The following SUPT20H variants were observed in gnomAD, a reference collection of about 807,000 sequenced individuals.
SUPT20H encodes the protein transcription factor SPT20 homolog.
SUPT20H carries 82 observed loss-of-function variants against 122.8 expected under a neutral mutation model. The ratio of observed to expected loss-of-function variants is 0.67; its 90% CI spans 0.56 to 0.80. The LOEUF (loss-of-function observed/expected upper bound fraction) is 0.80. Ranked by LOEUF, SUPT20H falls within the 30% of genes least tolerant of loss-of-function variation. The probability of loss-of-function intolerance (pLI) is 0.00; values close to 1 mark genes in which losing one functional copy is unlikely to be tolerated. For synonymous variants in SUPT20H, 291 were observed against 313.0 expected, an observed-to-expected ratio of 0.93 and a Z score of 0.74; for missense variants, 831 against 921.6, an observed-to-expected ratio of 0.90 and a Z score of 1.27.
In SUPT20H at chr13:37,031,911, A is replaced by C. The variant is rs763814170; in HGVS notation, c.708-16T>G. On this transcript the variant is annotated splice_polypyrimidine_tract_variant and intron_variant, in intron 10 of 25. Coordinates refer to ENST00000350612, the MANE Select transcript of SUPT20H (RefSeq NM_001014286.3). Reference sequence around the variant, plus strand: ...CTTGAAACACCTGAAATATTAAGAAATTTGAACTAAACGGCACTAATAAAA... The same window carrying C: ...CTTGAAACACCTGAAATATTAAGAACTTTGAACTAAACGGCACTAATAAAA... The C allele has an allele frequency of 1.3e-6, 2 of 1,565,426 alleles. No homozygotes were observed. Among genetic ancestry groups the C allele is most frequent in the African/African-American group, 2.8e-5 (2 of 72,078 alleles).
chr13:37,044,649 T>C (rs2066092783), intron 6 of SUPT20H, among the ~76,000 whole-genome samples: 1 of 152,220 alleles, frequency 6.6e-6, no homozygotes, highest in South Asian at 2.1e-4. Flanking sequence ...AGAATTCACA[T>C]TATCATCATA....
intron 22 of SUPT20H, 106 bp from the exon 23 acceptor site, chr13:37,017,470 C>CAA: frequency 1.7e-6 from 2 of 1,172,030 alleles, no homozygotes; most frequent in Non-Finnish European, 2.3e-6. Context: ...TGTCACTCTT[C>CAA]TAGTTATTGA....
intron 2 of SUPT20H, among the ~76,000 whole-genome samples, chr13:37,049,336 C>T (rs1024661949): frequency 2.0e-5 from 3 of 152,080 alleles, no homozygotes; most frequent in Non-Finnish European, 2.9e-5. Context: ...GATCCCTATC[C>T]GTTCATTTTT....
intron 23 of SUPT20H, among the ~76,000 whole-genome samples, chr13:37,016,099 C>T (rs1016771184): frequency 3.9e-5 from 6 of 152,060 alleles, no homozygotes; most frequent in African/African-American, 1.4e-4. Flanking sequence ...AATGTGAATA[C>T]ACTTAACACT....
At position 37,028,284 on chromosome 13, in the gene SUPT20H, A is replaced by C; in HGVS notation, c.1015T>G (p.Phe339Val). The C allele has an allele frequency of 6.2e-7, 1 of 1,610,054 alleles. No homozygotes were observed. Among genetic ancestry groups the C allele is most frequent in the Non-Finnish European group, 8.5e-7 (1 of 1,178,806 alleles). ...PAHDVKDDYV[F>V]ECEAGTQYQK... The stretch of plus-strand genomic sequence containing the variant: ...TACTGAGTACCAGCTTCACATTCAA[A>C]TACATAATCATCTTTTACATCCTGA... The change falls in exon 14 of 26, where the codon TTT (phenylalanine) becomes GTT (valine). Residue 339 changes from phenylalanine (F) to valine (V), a missense_variant. Coordinates refer to ENST00000350612, the MANE Select transcript of SUPT20H (RefSeq NM_001014286.3).
At position 37,029,846 on chromosome 13, in the gene SUPT20H, C is replaced by A; in HGVS notation, c.922-10G>T. ...TAGCATATTTCTCCACCTAAACAAT[C>A]AAATCAAGAAATACCACATAAAATA... On this transcript the variant is annotated splice_polypyrimidine_tract_variant and intron_variant, in intron 12 of 25. Transcript: ENST00000350612. 6.3e-7 allele frequency: 1 copy of A among 1,580,312 alleles called. No homozygotes were observed. Among genetic ancestry groups the A allele is most frequent in the Admixed American group, 1.8e-5 (1 of 54,592 alleles).
At position 37,017,288 on chromosome 13, in the gene SUPT20H, G is replaced by A; in HGVS notation, c.1949C>T (p.Pro650Leu). 1 of 1,614,110 alleles carries A rather than the reference G, an allele frequency of 6.2e-7. No individual in the cohort carries two copies. Among genetic ancestry groups the A allele is most frequent in the Non-Finnish European group, 8.5e-7 (1 of 1,179,986 alleles). ...AGGACTACAAGTTGTGGGCTGCTGA[G>A]GTTGTTGTGGTGTAAACTGGGAGAG... ...QQLSQFTPQQ[P>L]QQPTTCSPQQ... is the part of the protein sequence containing the mutation. Residue 650 changes from proline (P) to leucine (L), a missense_variant, in exon 23 of 26, where the codon CCT becomes CTT. By Grantham distance (98) the Pro-to-Leu change is moderately conservative. Coordinates refer to ENST00000350612, the MANE Select transcript of SUPT20H (RefSeq NM_001014286.3).
chr13:37,023,972 T>C lies in SUPT20H; in HGVS notation c.1591+63A>G, dbSNP rs760522055. On this transcript the variant is annotated intron_variant, in intron 19 of 25. Transcript: ENST00000350612. ...CTACTTCACAGGTTGAAAAAAGCTG[T>C]CTTAAGAAACACTAATGCAAAAGCT... 56 of 1,523,074 alleles carry C rather than the reference T, an allele frequency of 3.7e-5. No individual in the cohort carries two copies. In the Middle Eastern group the frequency reaches 7.1e-4, roughly 19 times the overall value. 94.3% of individuals were successfully genotyped at this position (1,523,074 alleles called of 1,614,324 possible).
At chr13:37,016,979 T>C (rs1288271113) in intron 23 of SUPT20H, among the ~76,000 whole-genome samples, 1 of 152,194 alleles carries the variant, frequency 6.6e-6, no homozygotes, top group Non-Finnish European at 1.5e-5. Context: ...GGTTTGAATC[T>C]CTGGCTCTGC....
At chr13:37,028,369 A>C in intron 13 of SUPT20H, 64 bp from the exon 14 acceptor site, 13 of 1,442,102 alleles carry the variant, frequency 9.0e-6, no homozygotes, top group Non-Finnish European at 1.2e-5. Context: ...AGAATTAGTA[A>C]AAATCAGGAA....
rs1472480240 is a variant in SUPT20H, at chr13:37,009,461, T to TA, written c.*210dup. The TA allele has an allele frequency of 1.3e-6, 1 of 759,752 alleles. No individual in the cohort carries two copies. Among genetic ancestry groups the TA allele is most frequent in the Non-Finnish European group, 2.1e-6 (1 of 469,230 alleles). The allele number at this position is 759,752 out of a possible 1,614,324, so 47.1% of individuals were successfully genotyped here. On this transcript the variant is annotated 3_prime_UTR_variant, in exon 26 of 26. Coordinates refer to ENST00000350612, the MANE Select transcript of SUPT20H (RefSeq NM_001014286.3). ...ATATTATGTATAGTGAAACCATTTT[T>TA]AAAAAGCAATGACTTAGGCAAACCA...
At chr13:37,014,510 C>A in intron 23 of SUPT20H, among the ~76,000 whole-genome samples, 1 of 151,926 alleles carries the variant, frequency 6.6e-6, no homozygotes, top group East Asian at 1.9e-4. Flanking sequence ...CTTAAAAGAA[C>A]CAAAAATATG....
chr13:37,019,118 T>C (rs1216114492), intron 22 of SUPT20H, among the ~76,000 whole-genome samples: 1 of 152,236 alleles, frequency 6.6e-6, no homozygotes, highest in Non-Finnish European at 1.5e-5. Flanking sequence ...CTAGCACAGC[T>C]AGTTCTTAAT....
intron 9 of SUPT20H, 25 bp downstream of exon 9, chr13:37,040,380 G>A (rs747669711): frequency 6.5e-7 from 1 of 1,542,818 alleles, no homozygotes; most frequent in Admixed American, 2.3e-5. Flanking sequence ...TTGCCTGTTT[G>A]AGATTAAAAA....
At chr13:37,048,730 C>G in intron 2 of SUPT20H, 131 bp from the exon 3 acceptor site, 1 of 649,702 alleles carries the variant, frequency 1.5e-6, no homozygotes, top group Non-Finnish European at 2.5e-6. Flanking sequence ...CTCCACTCCA[C>G]TCTATGATCA....
rs556463751 is a variant in SUPT20H, at chr13:37,014,259, AAAC to A, written c.1993-1965_1993-1963del. On this transcript the variant is annotated intron_variant, in intron 23 of 25. Coordinates refer to ENST00000350612, the MANE Select transcript of SUPT20H (RefSeq NM_001014286.3). ...ATGCACCTAACAATATGGGCTCAAA[AAAC>A]AACCTTTAGCAAAAGGAAAAATAGA... Among the ~76,000 whole-genome samples, 366 of 152,220 alleles carry A rather than the reference AAAC, an allele frequency of 2.4e-3. 3 individuals are homozygous for A. Among genetic ancestry groups the A allele is most frequent in the African/African-American group, 8.1e-3 (338 of 41,586 alleles).
Position 37,042,313 on chromosome 13 carries a change from G to C in SUPT20H, c.397-1621C>G, listed in dbSNP as rs2065620140. Among the ~76,000 whole-genome samples, 2 of 152,238 alleles carry C rather than the reference G, an allele frequency of 1.3e-5. 1 individual carries two copies. Among genetic ancestry groups the C allele is most frequent in the Non-Finnish European group, 2.9e-5 (2 of 68,012 alleles). On this transcript the variant is annotated intron_variant, in intron 7 of 25. Coordinates refer to ENST00000350612, the MANE Select transcript of SUPT20H (RefSeq NM_001014286.3). ...TTTGAGGAACCTATTATATATCCAAGAAAATATGTAAGTTAGGAGCTTGGT... is the reference window on the plus strand; with the variant it reads ...TTTGAGGAACCTATTATATATCCAACAAAATATGTAAGTTAGGAGCTTGGT...
intron 14 of SUPT20H, among the ~76,000 whole-genome samples, chr13:37,027,434 T>C (rs1465655990): frequency 6.6e-6 from 1 of 152,136 alleles, no homozygotes; most frequent in East Asian, 1.9e-4. Flanking sequence ...TCATTGACTT[T>C]TACCTAAATA....
At chr13:37,025,506 A>C in intron 16 of SUPT20H, 69 bp from the exon 17 acceptor site, 1 of 1,052,564 alleles carries the variant, frequency 9.5e-7, no homozygotes. Flanking sequence ...TTTTATAGGA[A>C]AGAATAATGA....
Sources: allele counts gnomAD v4.1 joint callset (sites outside exome capture counted in the v4.1 genomes callset), GRCh38; gene constraint gnomAD v4.1.1; transcripts MANE v1.5; gene names NCBI Gene and HGNC (gene_info 2026-07-23, HGNC 2026-07-21).